The following HR variants were observed in gnomAD, a reference collection of about 807,000 sequenced individuals.
HR encodes the protein lysine-specific demethylase hairless.
HR carries 83 observed loss-of-function variants against 128.6 expected under a neutral mutation model. The observed-to-expected ratio is 0.65, with a 90% CI of 0.54 to 0.77. The LOEUF (loss-of-function observed/expected upper bound fraction) is 0.77, where lower values mean the gene tolerates loss of function less well. Among genes scored for constraint, HR ranks in the 30% least tolerant of loss-of-function variants. The pLI is 0.00. For missense variants in HR, 1,490 were observed against 1,574.6 expected, an observed-to-expected ratio of 0.95 and a Z score of 0.91; for synonymous variants, 681 against 658.2, an observed-to-expected ratio of 1.03 and a Z score of -0.53.
chr8:22,119,691 C>A, intron 14 of HR, 69 bp downstream of exon 14: 1 of 1,529,822 alleles, frequency 6.5e-7, no homozygotes, highest in South Asian at 1.3e-5. Flanking sequence ...CACAGACGCT[C>A]GTGTGCCCCG....
intron 14 of HR, 104 bp downstream of exon 14, chr8:22,119,656 A>T: frequency 7.4e-7 from 1 of 1,345,884 alleles, no homozygotes; most frequent in Non-Finnish European, 1.0e-6. Context: ...GAATCAGAGA[A>T]GCGCTTCAGG....
chr8:22,117,051 G>A lies in HR; in HGVS notation c.3214-12C>T. On this transcript the variant is annotated splice_polypyrimidine_tract_variant and intron_variant, in intron 16 of 18. Transcript: ENST00000381418. ...CCGGCCGGGCACACCTCAAAGAAGA[G>A]AAGGGGGAATGAGCGAGATGGGGAG... 2 of 1,481,406 alleles carry A rather than the reference G, an allele frequency of 1.4e-6. No individual in the cohort carries two copies. The highest frequency in any genetic ancestry group is 2.8e-5 in the African/African-American group (2 of 71,758). 91.8% of individuals were successfully genotyped at this position (1,481,406 alleles called of 1,614,324 possible).
Position 22,116,501 on chromosome 8 carries a change from T to C in HR, c.3379-73A>G. ...TCCCTGTCCCCCTGGTCCCTGAGGT[T>C]CGCTTCCTCTAATGACAACCACCCC... On this transcript the variant is annotated intron_variant, in intron 17 of 18. Transcript: ENST00000381418. This position sits in a 1 kb window ranked among gnomAD's most constrained non-coding sequence, Gnocchi z 4.2. 2 of 1,562,316 alleles carry C rather than the reference T, an allele frequency of 1.3e-6. No individual in the cohort carries two copies. The highest frequency in any genetic ancestry group is 1.7e-6 in the Non-Finnish European group (2 of 1,153,042).
At chr8:22,128,004 C>A in intron 2 of HR, 175 bp from the exon 3 acceptor site, 1 of 687,232 alleles carries the variant, frequency 1.5e-6, no homozygotes, top group Non-Finnish European at 2.6e-6. Context: ...CTGGCAACCC[C>A]CACCTCCTCC....
chr8:22,120,080 G>T, intron 13 of HR, 24 bp downstream of exon 13: 1 of 1,575,392 alleles, frequency 6.3e-7, no homozygotes, highest in Non-Finnish European at 8.6e-7. Flanking sequence ...GGGAGGTAGG[G>T]CTGGCCCTTG....
Position 22,129,069 on chromosome 8 carries a change from A to C in HR, c.102T>G (p.Asp34Glu). The change falls in exon 2 of 19, where the codon GAT becomes GAG. Residue 34 changes from aspartate to glutamate, a missense_variant. This residue lies in a region of HR where 1,060 missense variants were observed against 1,060.9 expected (regional missense o/e 1.00). Coordinates refer to ENST00000381418, the MANE Select transcript of HR (RefSeq NM_005144.5). ...GGCACAGCGGCCCATGGTGCAGTCC[A>C]TCTCGAGGCGGGCTGCCGGGCTCCT... ...VRQEPGSPPR[D>E]GLHHGPLCLG... The C allele has an allele frequency of 6.3e-7, 1 of 1,582,134 alleles. No homozygotes were observed. Among genetic ancestry groups the C allele is most frequent in the Non-Finnish European group, 8.6e-7 (1 of 1,164,674 alleles).
At chr8:22,123,617 T>TCTCCCCCCCC in intron 6 of HR, 32 bp downstream of exon 6, 5 of 292,092 alleles carry the variant, frequency 1.7e-5, no homozygotes, top group Non-Finnish European at 2.5e-5. Flanking sequence ...GAGGGCTCCA[T>TCTCCCCCCCC]CCCGCCCTCC....
Position 22,125,353 on chromosome 8 carries a change from G to C in HR, c.1708C>G (p.Leu570Val). 1 of 1,602,972 alleles carries C rather than the reference G, an allele frequency of 6.2e-7. No individual in the cohort carries two copies. Among genetic ancestry groups the C allele is most frequent in the Non-Finnish European group, 8.5e-7 (1 of 1,175,700 alleles). ...SGLGDRLCRL[L>V]RREREALAWA... is the part of the protein sequence containing the mutation. Reference sequence around the variant, plus strand: ...GCCAGGGCCTCCCGCTCCCTCCGCAGCAGGCGGCACAGTCGGTCCCCCAAA... The same window carrying C: ...GCCAGGGCCTCCCGCTCCCTCCGCACCAGGCGGCACAGTCGGTCCCCCAAA... Residue 570 changes from leucine to valine, a missense_variant, in exon 5 of 19, where the codon CTG becomes GTG. Leu to Val is a conservative substitution (Grantham distance 32, BLOSUM62 1). Around this residue, in one of 3 missense-constraint regions of HR, gnomAD observed 1,060 missense variants for 1,060.9 expected, o/e 1.00. Transcript: ENST00000381418.
chr8:22,127,094 G>A lies in HR; in HGVS notation c.1348C>T (p.Arg450Trp), dbSNP rs765545206. 12 of 1,610,710 alleles carry A rather than the reference G, an allele frequency of 7.5e-6. No homozygotes were observed. Among genetic ancestry groups the A allele is most frequent in the East Asian group, 4.5e-5 (2 of 44,840 alleles). Residue 450 changes from arginine to tryptophan, a missense_variant, in exon 3 of 19, where the codon CGG becomes TGG. Coordinates refer to ENST00000381418, the MANE Select transcript of HR (RefSeq NM_005144.5). ...EQGAGGWQEV[R>W]DTSIGNKDVD... Reference sequence around the variant, plus strand: ...TCCTTGTTCCCTATCGATGTGTCCCGCACCTCCTGCCAACCCCCAGCCCCC... The same window carrying A: ...TCCTTGTTCCCTATCGATGTGTCCCACACCTCCTGCCAACCCCCAGCCCCC...
chr8:22,121,995 T>A (rs1826766646), intron 8 of HR, among the ~76,000 whole-genome samples: 1 of 152,214 alleles, frequency 6.6e-6, no homozygotes. Context: ...TTTTCCAAAT[T>A]TTCCACAATG....
rs140969608 is a variant in HR at position 22,127,216 on chromosome 8, C to T, written c.1226G>A (p.Arg409Gln). The T allele has an allele frequency of 6.5e-5, 105 of 1,612,998 alleles. No homozygotes were observed. The South Asian group carries it at 7.9e-4, about 12-fold the overall frequency. Residue 409 changes from arginine (R) to glutamine (Q), a missense_variant, in exon 3 of 19, where the codon CGG becomes CAG. By Grantham distance (43) the Arg-to-Gln change is conservative. Coordinates refer to ENST00000381418, the MANE Select transcript of HR (RefSeq NM_005144.5). The stretch of plus-strand genomic sequence containing the variant: ...GGGGCTGCCTGCCCTTTTGAGGGCC[C>T]GGAGCCGAGCAACCGGCCTCTCCTC... ...EVEERPVARL[R>Q]ALKRAGSPEV...
At chr8:22,118,725 G>C in intron 16 of HR, 1 of 588,092 alleles carries the variant, frequency 1.7e-6, no homozygotes, top group Non-Finnish European at 3.0e-6. Context: ...TTCATCATCG[G>C]GTCCAGGCTC....
rs535719642 is a variant in HR at position 22,126,329 on chromosome 8, C to T, written c.1406-597G>A. Among the ~76,000 whole-genome samples, 9 of 152,332 alleles carry T rather than the reference C, an allele frequency of 5.9e-5. No individual in the cohort carries two copies. In the East Asian group the frequency reaches 1.5e-3, roughly 26 times the overall value. On this transcript the variant is annotated intron_variant, in intron 3 of 18. Transcript: ENST00000381418. ...CAGCCGTCCAGGAAGCTGAAAAAAC[C>T]GAAGTGATCCCAAAGAACTAAGGCT...
In HR at chr8:22,125,334, G is replaced by A. The variant is rs76294724; in HGVS notation, c.1727C>T (p.Ala576Val). 10,333 of 1,589,942 alleles carry A rather than the reference G, an allele frequency of 6.5e-3. 44 individuals are homozygous for A. The highest frequency in any genetic ancestry group is 7.9e-3 in the Non-Finnish European group (9,214 of 1,169,004). The part of the protein sequence containing the change: ...LCRLLRRERE[A>V]LAWAQREGQG... ...ACCTTCCCGCTGGGCCCAAGCCAGG[G>A]CCTCCCGCTCCCTCCGCAGCAGGCG... Residue 576 changes from alanine (A) to valine (V), a missense_variant, in exon 5 of 19, where the codon GCC (alanine) becomes GTC (valine). Physicochemically the swap from Ala to Val is moderately conservative, Grantham distance 64 (BLOSUM62 0). This residue lies in a region of HR where 1,060 missense variants were observed against 1,060.9 expected (regional missense o/e 1.00). Transcript: ENST00000381418.
intron 6 of HR, 37 bp downstream of exon 6, chr8:22,123,612 C>G: frequency 1.5e-6 from 1 of 670,730 alleles, no homozygotes; most frequent in Non-Finnish European, 2.5e-6. Context: ...CCCCTGAGGG[C>G]TCCATCCCGC....
Position 22,121,045 on chromosome 8 carries a change from C to A in HR, c.2367+20G>T, listed in dbSNP as rs1367963519. The A allele has an allele frequency of 4.3e-6, 7 of 1,613,298 alleles. No individual in the cohort carries two copies. Among genetic ancestry groups the A allele is most frequent in the Non-Finnish European group, 5.9e-6 (7 of 1,179,878 alleles). ...CTCTGGTCCCCTGGCTCCTAGCCCTCCCTCCGTGCCCTCACTCACACTGGG... is the reference window on the plus strand; with the variant it reads ...CTCTGGTCCCCTGGCTCCTAGCCCTACCTCCGTGCCCTCACTCACACTGGG... On this transcript the variant is annotated intron_variant, in intron 10 of 18. Coordinates refer to ENST00000381418, the MANE Select transcript of HR (RefSeq NM_005144.5).
chr8:22,129,176 T>C lies in HR; in HGVS notation c.-6A>G, dbSNP rs199722306. 6.6e-7 allele frequency: 1 copy of C among 1,524,750 alleles called. No individual in the cohort carries two copies. The highest frequency in any genetic ancestry group is 1.4e-5 in the African/African-American group (1 of 71,916). 94.5% of individuals were successfully genotyped at this position (1,524,750 alleles called of 1,614,324 possible). On this transcript the variant is annotated 5_prime_UTR_variant, in exon 2 of 19. Coordinates refer to ENST00000381418, the MANE Select transcript of HR (RefSeq NM_005144.5). Reference sequence around the variant, plus strand: ...AAGCTGGGCGTACTCTCCATCACTCTCCTGCCCTCATGGGGCTCTCCCAGA... The same window carrying C: ...AAGCTGGGCGTACTCTCCATCACTCCCCTGCCCTCATGGGGCTCTCCCAGA...
Position 22,122,885 on chromosome 8 carries a change from G to T in HR, c.1916-6C>A. ...CGCGGACTGCTCCTGAAAGCCTGTG[G>T]GGCAGGAAGGGAAAAGCTGCAGGTC... On this transcript the variant is annotated splice_polypyrimidine_tract_variant and splice_region_variant and intron_variant, in intron 6 of 18. Transcript: ENST00000381418. 1 of 1,551,326 alleles carries T rather than the reference G, an allele frequency of 6.4e-7. No individual in the cohort carries two copies. Among genetic ancestry groups the T allele is most frequent in the Non-Finnish European group, 8.7e-7 (1 of 1,147,172 alleles).
chr8:22,128,414 T>G, intron 2 of HR, 145 bp downstream of exon 2: 2 of 1,169,974 alleles, frequency 1.7e-6, no homozygotes, highest in Non-Finnish European at 2.5e-6. Flanking sequence ...GGGTTGACTG[T>G]GGGGCCTGGG....
Sources: gnomAD v4.1 joint callset for allele counts (sites outside exome capture counted in the v4.1 genomes callset) on GRCh38, gnomAD v4.1.1 for gene constraint, gnomAD v4.1.1 regional missense constraint, Gnocchi (gnomAD v3.1) non-coding constraint, MANE v1.5 for transcripts, NCBI Gene and HGNC (gene_info 2026-07-23, HGNC 2026-07-21) for gene names.